Variants in ZNF778 observed in about 807,000 individuals in gnomAD.
ZNF778 encodes zinc finger protein 778.
A neutral mutation model predicts 23.9 loss-of-function variants in ZNF778; 37 were observed. The observed-to-expected ratio is 1.54, with a 90% CI of 1.19 to 2.03. ZNF778 has a LOEUF of 2.03. Ranked by LOEUF, ZNF778 falls within the 30% of genes most tolerant of loss-of-function variation. ZNF778 has a pLI of 0.00. For missense variants in ZNF778, 1,297 were observed against 934.4 expected (o/e 1.39, Z -5.06); for synonymous variants, 483 against 343.9 (o/e 1.40, Z -4.48).
chr16:89,221,675 G>A (rs901382479), intron 2 of ZNF778, among the ~76,000 whole-genome samples: 1 of 151,050 alleles, frequency 6.6e-6, no homozygotes, highest in African/African-American at 2.4e-5. Context: ...GTATTTTCCT[G>A]AGGCAGTTTA....
Position 89,233,695 on chromosome 16 carries a change from A to C in ZNF778, c.*5133A>C. 1 of 1,274,052 alleles carries C rather than the reference A, an allele frequency of 7.8e-7. No homozygotes were observed. The highest frequency in any genetic ancestry group is 1.0e-6 in the Non-Finnish European group (1 of 986,462). The allele number at this position is 1,274,052 out of a possible 1,614,324, so 78.9% of individuals were successfully genotyped here. ...CTGCGTATGCAAATCAACTTACTGC[A>C]TATGCAACTCAACTCACTGCGTATG... is the stretch of plus-strand genomic sequence containing the variant. On this transcript the variant is annotated 3_prime_UTR_variant, in exon 7 of 7. Coordinates refer to ENST00000433976, the MANE Select transcript of ZNF778 (RefSeq NM_001201407.2).
rs1156380571 is a variant in ZNF778, at chr16:89,233,676, A to G, written c.*5114A>G. 10 of 1,284,820 alleles carry G rather than the reference A, an allele frequency of 7.8e-6. No homozygotes were observed. The Admixed American group carries it at 2.1e-4, about 27-fold the overall frequency. The allele number at this position is 1,284,820 out of a possible 1,614,324, so 79.6% of individuals were successfully genotyped here. A position where few individuals can be genotyped will look rare whatever the true frequency, so the allele number is the denominator to read the frequency against. On this transcript the variant is annotated 3_prime_UTR_variant, in exon 7 of 7. Coordinates refer to ENST00000433976, the MANE Select transcript of ZNF778 (RefSeq NM_001201407.2). ...ATATGCAATTCAACTCGCACTGCGT[A>G]TGCAAATCAACTTACTGCATATGCA...
intron 1 of ZNF778, 79 bp from the exon 2 acceptor site, chr16:89,220,918 A>G (rs2030870507): frequency 3.5e-6 from 2 of 575,604 alleles, no homozygotes; most frequent in Admixed American, 5.8e-5. Flanking sequence ...AGTGGCTTTC[A>G]CATATATCAT....
rs1009754379 is a variant in ZNF778 at position 89,224,769 on chromosome 16, G to T, written c.295G>T (p.Glu99Ter). ...GATCTATTGGCTGGAGCAGGAAGAG[G>T]AGTTGAGGGCAGGGCGGAGAGCAGT... ...SVIYWLEQEE[E>*]LRAGRRAVLQ... Residue 99 changes from glutamate (E) to a stop codon, truncating the protein, a stop_gained, in exon 5 of 7, where the codon GAG becomes TAG. Coordinates refer to ENST00000433976, the MANE Select transcript of ZNF778 (RefSeq NM_001201407.2). LOFTEE classifies it high-confidence loss of function. 6 of 1,529,836 alleles carry T rather than the reference G, an allele frequency of 3.9e-6. No homozygotes were observed. In the African/African-American group the frequency reaches 7.0e-5, roughly 18 times the overall value. The allele number at this position is 1,529,836 out of a possible 1,614,324, so 94.8% of individuals were successfully genotyped here.
At position 89,229,934 on chromosome 16, in the gene ZNF778, T is replaced by G; in HGVS notation, c.*1372T>G. The G allele has an allele frequency of 1.0e-6, 1 of 980,440 alleles. No individual in the cohort carries two copies. The highest frequency in any genetic ancestry group is 1.2e-6 in the Non-Finnish European group (1 of 827,386). The allele number at this position is 980,440 out of a possible 1,614,324, so 60.7% of individuals were successfully genotyped here. ...TTGGTTAGTGTTGAGGATCCAGATG[T>G]GATTCTGTGAGCAGTGTAGGCTCTG... On this transcript the variant is annotated 3_prime_UTR_variant, in exon 7 of 7. Transcript: ENST00000433976.
Position 89,222,104 on chromosome 16 carries a change from C to T in ZNF778, c.38C>T (p.Ser13Phe). ...CTTTGTTTTTTAGGAGGTCATGTTT[C>T]TAGGGACTCAGTCTGCCTTCATGAA... ...APDLAHGGHVSRDSVCLHEEQ... is the reference protein window; with the variant it reads ...APDLAHGGHVFRDSVCLHEEQ... The change falls in exon 3 of 7, where the codon TCT becomes TTT. Residue 13 changes from serine (S) to phenylalanine (F), a missense_variant. Physicochemically the swap from Ser to Phe is radical, Grantham distance 155. Transcript: ENST00000433976. The T allele has an allele frequency of 6.3e-7, 1 of 1,597,820 alleles. No homozygotes were observed. Among genetic ancestry groups the T allele is most frequent in the Non-Finnish European group, 8.5e-7 (1 of 1,170,208 alleles).
At chr16:89,224,625 T>G (rs1236338523) in intron 4 of ZNF778, 94 bp from the exon 5 acceptor site, 3 of 938,368 alleles carry the variant, frequency 3.2e-6, no homozygotes, top group African/African-American at 1.6e-5. Context: ...TCTCAAAAAA[T>G]AATAAAAAAA....
In ZNF778 at chr16:89,226,974, G is replaced by T; in HGVS notation, c.686G>T (p.Ser229Ile). ...CGGGACAGATCTCTTGACTACAGCAGCTGTGGGGAAGTGTTCCTTAATCAG... is the reference window on the plus strand; with the variant it reads ...CGGGACAGATCTCTTGACTACAGCATCTGTGGGGAAGTGTTCCTTAATCAG... Reference protein sequence around the residue: ...CTRDRSLDYSSCGEVFLNQSY... With the variant: ...CTRDRSLDYSICGEVFLNQSY... The change falls in exon 7 of 7, where the codon AGC becomes ATC. Residue 229 changes from serine (S) to isoleucine (I), a missense_variant. Ser to Ile is a moderately radical substitution (Grantham distance 142). Coordinates refer to ENST00000433976, the MANE Select transcript of ZNF778 (RefSeq NM_001201407.2). 1.2e-6 allele frequency: 2 copies of T among 1,614,024 alleles called. No homozygotes were observed. Among genetic ancestry groups the T allele is most frequent in the South Asian group, 1.1e-5 (1 of 91,084 alleles).
chr16:89,219,232 A>G (rs947469431), intron 1 of ZNF778, among the ~76,000 whole-genome samples: 3 of 152,228 alleles, frequency 2.0e-5, no homozygotes, highest in East Asian at 1.9e-4. Context: ...GAGCCCTTCA[A>G]GGTTTATCTG....
At chr16:89,224,061 G>A (rs1037285856) in intron 4 of ZNF778, among the ~76,000 whole-genome samples, 73 of 139,956 alleles carry the variant, frequency 5.2e-4, no homozygotes, top group African/African-American at 1.8e-3. Context: ...GCTGTAATCC[G>A]AGCACTCTGG....
Position 89,234,659 on chromosome 16 carries a change from T to C in ZNF778, c.*6097T>C. On this transcript the variant is annotated 3_prime_UTR_variant, in exon 7 of 7. Transcript: ENST00000433976. Reference sequence around the variant, plus strand: ...TGTGCCAGGTGTGGTGGCTCAGGCCTGTAATCCCAACACTTTGGGAGGCCG... The same window carrying C: ...TGTGCCAGGTGTGGTGGCTCAGGCCCGTAATCCCAACACTTTGGGAGGCCG... 1 of 156,582 alleles carries C rather than the reference T, an allele frequency of 6.4e-6. No individual in the cohort carries two copies. Among genetic ancestry groups the C allele is most frequent in the Non-Finnish European group, 1.4e-5 (1 of 70,714 alleles). 9.7% of individuals were successfully genotyped at this position (156,582 alleles called of 1,614,324 possible). A position where few individuals can be genotyped will look rare whatever the true frequency, so the allele number is the denominator to read the frequency against.
At position 89,227,610 on chromosome 16, in the gene ZNF778, G is replaced by A. The variant is rs778521675; in HGVS notation, c.1322G>A (p.Arg441Gln). 2.3e-5 allele frequency: 37 copies of A among 1,613,996 alleles called. No homozygotes were observed. Among genetic ancestry groups the A allele is most frequent in the South Asian group, 3.3e-5 (3 of 91,078 alleles). Residue 441 changes from arginine to glutamine, a missense_variant, in exon 7 of 7, where the codon CGA becomes CAA. By Grantham distance (43) the Arg-to-Gln change is conservative. Coordinates refer to ENST00000433976, the MANE Select transcript of ZNF778 (RefSeq NM_001201407.2). ...TVRCGLTRHV[R>Q]THTGEKPYTC... ...CGCTGTGGCCTTACTAGACACGTAC[G>A]AACACACACGGGCGAGAAGCCATAC...
At chr16:89,225,220 G>A (rs888273536) in intron 5 of ZNF778, among the ~76,000 whole-genome samples, 2 of 141,780 alleles carry the variant, frequency 1.4e-5, no homozygotes, top group East Asian at 2.2e-4. Flanking sequence ...GGTTCACTCA[G>A]TTCTTCTGCC....
intron 1 of ZNF778, among the ~76,000 whole-genome samples, chr16:89,220,611 T>C (rs796871412): frequency 3.9e-5 from 6 of 152,152 alleles, no homozygotes; most frequent in African/African-American, 1.4e-4. Context: ...TGAGCCGAGA[T>C]TGCGCCACTA....
rs552231633 is a variant in ZNF778 at position 89,228,459 on chromosome 16, C to G, written c.2171C>G (p.Thr724Ser). The G allele has an allele frequency of 6.2e-7, 1 of 1,613,882 alleles. No homozygotes were observed. The highest frequency in any genetic ancestry group is 8.5e-7 in the Non-Finnish European group (1 of 1,179,866). ...CTAAAAGAACATTTAAAAACTTACA[C>G]TGAAGAGCAGGTTTTTGTATGTAAG... Reference protein sequence around the residue: ...YLLKEHLKTYTEEQVFVCKDC... With the variant: ...YLLKEHLKTYSEEQVFVCKDC... The change falls in exon 7 of 7, where the codon ACT becomes AGT. Residue 724 changes from threonine (T) to serine (S), a missense_variant. Thr to Ser is a moderately conservative substitution (Grantham distance 58). Coordinates refer to ENST00000433976, the MANE Select transcript of ZNF778 (RefSeq NM_001201407.2).
At position 89,217,743 on chromosome 16, in the gene ZNF778, G is replaced by A. The variant is rs2030477247; in HGVS notation, c.-299G>A. 6.6e-6 allele frequency: 1 copy of A among 152,242 alleles called. No individual in the cohort carries two copies. The highest frequency in any genetic ancestry group is 6.5e-5 in the Admixed American group (1 of 15,292). 9.4% of individuals were successfully genotyped at this position (152,242 alleles called of 1,614,324 possible). Reference sequence around the variant, plus strand: ...TCCGGTTCTTGCGGCGGTGCGTGCTGGCGCCGGAGAGTTCCGCGCGTGTCC... The same window carrying A: ...TCCGGTTCTTGCGGCGGTGCGTGCTAGCGCCGGAGAGTTCCGCGCGTGTCC... On this transcript the variant is annotated 5_prime_UTR_variant, in exon 1 of 7. Coordinates refer to ENST00000433976, the MANE Select transcript of ZNF778 (RefSeq NM_001201407.2).
In ZNF778 at chr16:89,227,657, G is replaced by T; in HGVS notation, c.1369G>T (p.Ala457Ser). The T allele has an allele frequency of 6.2e-7, 1 of 1,614,186 alleles. No individual in the cohort carries two copies. The highest frequency in any genetic ancestry group is 8.5e-7 in the Non-Finnish European group (1 of 1,180,008). ...ATACACGTGTAAGGACTGCGGGAAAGCCTTCTGTACATCCTCGGGCCTTAC... is the reference window on the plus strand; with the variant it reads ...ATACACGTGTAAGGACTGCGGGAAATCCTTCTGTACATCCTCGGGCCTTAC... ...KPYTCKDCGKAFCTSSGLTEH... is the reference protein window; with the variant it reads ...KPYTCKDCGKSFCTSSGLTEH... The change falls in exon 7 of 7, where the codon GCC (alanine) becomes TCC (serine). Residue 457 changes from alanine to serine, a missense_variant. Ala to Ser is a moderately conservative substitution (Grantham distance 99). Coordinates refer to ENST00000433976, the MANE Select transcript of ZNF778 (RefSeq NM_001201407.2).
In ZNF778 at chr16:89,228,260, TCA is replaced by T. The variant is rs749068152; in HGVS notation, c.1976_1977del (p.His659ProfsTer17). On this transcript the variant is annotated frameshift_variant, in exon 7 of 7. Coordinates refer to ENST00000433976, the MANE Select transcript of ZNF778 (RefSeq NM_001201407.2). LOFTEE classifies it low-confidence loss of function (END_TRUNC). ...GTGTGGGAAAGCCTTTGCTTCCTCCTCACACCTTATCGAACACAGAAGGACTC... is the reference window on the plus strand; with the variant it reads ...GTGTGGGAAAGCCTTTGCTTCCTCCTCACCTTATCGAACACAGAAGGACTC... The part of the protein sequence containing the change: ...KECGKAFASS[S>X]HLIEHRRTHT... 108 of 1,605,594 alleles carry T rather than the reference TCA, an allele frequency of 6.7e-5. No homozygotes were observed. The highest frequency in any genetic ancestry group is 9.1e-5 in the Non-Finnish European group (107 of 1,173,278).
intron 5 of ZNF778, 146 bp from the exon 6 acceptor site, chr16:89,225,409 G>T (rs1196973249): frequency 1.2e-5 from 7 of 570,888 alleles, no homozygotes; most frequent in Non-Finnish European, 2.2e-5. Flanking sequence ...TCTAAATTAT[G>T]ACTCCCAGTT....
Sources: allele counts gnomAD v4.1 joint callset (sites outside exome capture counted in the v4.1 genomes callset), GRCh38; gene constraint gnomAD v4.1.1; transcripts MANE v1.5; gene names NCBI Gene and HGNC (gene_info 2026-07-23, HGNC 2026-07-21).